The following FZR1 variants were observed in gnomAD, a reference collection of about 807,000 sequenced individuals.
FZR1 encodes the protein fizzy-related protein homolog.
FZR1 carries 11 observed loss-of-function variants against 63.6 expected under a neutral mutation model. That is an observed-to-expected ratio of 0.17 (90% CI 0.11 to 0.29). The LOEUF (loss-of-function observed/expected upper bound fraction) is 0.29. FZR1 is among the 10% of genes least tolerant of loss of function. The pLI, the probability that FZR1 is intolerant of heterozygous loss-of-function variation, is 1.00. For synonymous variants in FZR1, 328 were observed against 297.9 expected, an observed-to-expected ratio of 1.10 and a Z score of -1.04; for missense variants, 440 against 687.5, an observed-to-expected ratio of 0.64 and a Z score of 4.03.
intron 7 of FZR1, among the ~76,000 whole-genome samples, chr19:3,530,411 C>G (rs1387988407): frequency 2.2e-3 from 192 of 85,824 alleles, no homozygotes; most frequent in Middle Eastern, 8.6e-3. Context: ...TGGGAGAGCG[C>G]ATGGGAGAGC....
chr19:3,528,856 T>C (rs72976612), intron 7 of FZR1, among the ~76,000 whole-genome samples: 8,367 of 101,620 alleles, frequency 0.082, 82 homozygotes, highest in Middle Eastern at 0.15. Context: ...GATGGGTGAG[T>C]GGATGAGAGA....
rs1296621390 is a variant in FZR1 at position 3,525,616 on chromosome 19, G to GT, written c.70-251dup. 6.6e-6 allele frequency among the ~76,000 whole-genome samples: 1 copy of GT among 151,758 alleles called. No individual in the cohort carries two copies. Among genetic ancestry groups the GT allele is most frequent in the Non-Finnish European group, 1.5e-5 (1 of 67,892 alleles). On this transcript the variant is annotated intron_variant, in intron 2 of 13. Transcript: ENST00000441788. This position sits in a 1 kb window ranked among gnomAD's most constrained non-coding sequence, Gnocchi z 4.2. ...TGCCACCACGCCCGGCTGATTTTTT[G>GT]TATTTTTAGTAGAGACGAGGTTTCA...
chr19:3,528,032 G>A (rs1158673986), intron 7 of FZR1, among the ~76,000 whole-genome samples: 1 of 151,126 alleles, frequency 6.6e-6, no homozygotes, highest in Non-Finnish European at 1.5e-5. Context: ...CCCAGCCACG[G>A]CCCTCCCAAC....
At chr19:3,532,691 G>T (rs2083260582) in intron 11 of FZR1, 41 bp downstream of exon 11, 2 of 1,396,384 alleles carry the variant, frequency 1.4e-6, no homozygotes, top group Non-Finnish European at 1.0e-6. Context: ...GCCTCAGGAT[G>T]TGCGTCCTGC....
rs2083161680 is a variant in FZR1, at chr19:3,526,686, G to GC, written c.388-291dup. ...GAACACCCAAGCCGGTGGGGGTCCTGCCCGTAGGGGGCAGTACTGGGTCCT... is the reference window on the plus strand; with the variant it reads ...GAACACCCAAGCCGGTGGGGGTCCTGCCCCGTAGGGGGCAGTACTGGGTCCT... On this transcript the variant is annotated intron_variant, in intron 5 of 13. Coordinates refer to ENST00000441788, the MANE Select transcript of FZR1 (RefSeq NM_016263.4). The surrounding 1 kb of genome is among the most constrained non-coding windows in gnomAD (Gnocchi z 5.4). Among the ~76,000 whole-genome samples the GC allele has an allele frequency of 6.6e-6, 1 of 152,172 alleles. No individual in the cohort carries two copies. Among genetic ancestry groups the GC allele is most frequent in the Non-Finnish European group, 1.5e-5 (1 of 68,012 alleles).
At chr19:3,508,681 G>A (rs1282854431) in intron 1 of FZR1, among the ~76,000 whole-genome samples, 1 of 152,212 alleles carries the variant, frequency 6.6e-6, no homozygotes, top group African/African-American at 2.4e-5. Flanking sequence ...GGGACTCCAG[G>A]CAGAGGTGAA....
At chr19:3,511,957 C>T (rs1029915506) in intron 1 of FZR1, among the ~76,000 whole-genome samples, 7 of 152,168 alleles carry the variant, frequency 4.6e-5, no homozygotes, top group Non-Finnish European at 1.0e-4. Flanking sequence ...GTGGTCTCTC[C>T]GCTAGGCCCC....
intron 1 of FZR1, among the ~76,000 whole-genome samples, chr19:3,518,689 G>A (rs1248440246): frequency 6.6e-6 from 1 of 152,170 alleles, no homozygotes; most frequent in African/African-American, 2.4e-5. Context: ...CTAGTTGTTG[G>A]GGGCCACTTT....
chr19:3,511,358 C>T (rs143595719), intron 1 of FZR1, among the ~76,000 whole-genome samples: 67 of 152,308 alleles, frequency 4.4e-4, no homozygotes, highest in Middle Eastern at 6.8e-3. Flanking sequence ...AGCTGCTGGC[C>T]GAGTAGACCC....
At chr19:3,524,775 A>G (rs1048888989) in intron 2 of FZR1, among the ~76,000 whole-genome samples, 3 of 152,018 alleles carry the variant, frequency 2.0e-5, no homozygotes, top group Non-Finnish European at 4.4e-5. Context: ...GGCTGTGACC[A>G]CGTCCCTCTG....
intron 12 of FZR1, chr19:3,534,189 T>A: frequency 2.2e-6 from 1 of 453,390 alleles, no homozygotes; most frequent in South Asian, 2.8e-5. Context: ...CACTGCACAC[T>A]CCAGCCTGGG....
chr19:3,530,743 C>CT (rs2122010294), intron 7 of FZR1, 49 bp from the exon 8 acceptor site: 1 of 1,440,566 alleles, frequency 6.9e-7, no homozygotes, highest in South Asian at 1.2e-5. Context: ...CATGGATAGA[C>CT]TGGGGCTTCG....
chr19:3,534,768 G>T (rs78367733), intron 13 of FZR1, 27 bp from the exon 14 acceptor site: 2 of 1,608,068 alleles, frequency 1.2e-6, no homozygotes, highest in African/African-American at 2.7e-5. Context: ...GCGGCTCAGC[G>T]CATCTGCCAT....
chr19:3,518,523 T>C (rs950046663), intron 1 of FZR1, among the ~76,000 whole-genome samples: 1 of 151,948 alleles, frequency 6.6e-6, no homozygotes, highest in Admixed American at 6.6e-5. Flanking sequence ...GCAGGGGCAG[T>C]GCTGGCATGG....
At chr19:3,530,975 T>C in intron 8 of FZR1, 118 bp downstream of exon 8, 1 of 699,304 alleles carries the variant, frequency 1.4e-6, no homozygotes, top group South Asian at 1.7e-5. Flanking sequence ...TGTCCAAGCA[T>C]AGGTCTGTGT....
rs777821563 is a variant in FZR1 at position 3,515,178 on chromosome 19, C to T, written c.-34-7778C>T. 1.8e-4 allele frequency among the ~76,000 whole-genome samples: 27 copies of T among 152,328 alleles called. No homozygotes were observed. Among genetic ancestry groups the T allele is most frequent in the East Asian group, 7.7e-4 (4 of 5,182 alleles). On this transcript the variant is annotated intron_variant, in intron 1 of 13. Coordinates refer to ENST00000441788, the MANE Select transcript of FZR1 (RefSeq NM_016263.4). The surrounding 1 kb of genome is among the most constrained non-coding windows in gnomAD (Gnocchi z 4.6). ...AACCTCTGCAGGGCCTGGCGGAGCA[C>T]GAGTCACTCACTGATTCACTGCTGA...
At chr19:3,532,804 T>TG (rs993811215) in intron 11 of FZR1, among the ~76,000 whole-genome samples, 154 bp downstream of exon 11, 9 of 152,000 alleles carry the variant, frequency 5.9e-5, no homozygotes, top group Non-Finnish European at 1.3e-4. Flanking sequence ...CAGGGAGTTG[T>TG]GGGGGGCAAG....
At position 3,534,448 on chromosome 19, in the gene FZR1, G is replaced by A; in HGVS notation, c.1375G>A (p.Val459Ile). 1.9e-6 allele frequency: 3 copies of A among 1,608,710 alleles called. No homozygotes were observed. The highest frequency in any genetic ancestry group is 2.5e-6 in the Non-Finnish European group (3 of 1,177,110). ...AATGTCCCCTGATGGGGAGGCCATC[G>A]TCACTGGTGCTGGAGACGAGACCCT... ...LAMSPDGEAI[V>I]TGAGDETLRF... is the part of the protein sequence containing the mutation. The change falls in exon 13 of 14, where the codon GTC (valine) becomes ATC (isoleucine). Residue 459 changes from valine (V) to isoleucine (I), a missense_variant. Transcript: ENST00000441788.
At chr19:3,532,373 C>A in intron 10 of FZR1, 44 bp from the exon 11 acceptor site, 1 of 1,484,538 alleles carries the variant, frequency 6.7e-7, no homozygotes, top group Non-Finnish European at 9.2e-7. Context: ...CCTATGGGAC[C>A]ACAGGGCTGG....
Sources: allele counts gnomAD v4.1 joint callset (sites outside exome capture counted in the v4.1 genomes callset), GRCh38; gene constraint gnomAD v4.1.1; non-coding constraint Gnocchi (gnomAD v3.1); transcripts MANE v1.5; gene names NCBI Gene and HGNC (gene_info 2026-07-23, HGNC 2026-07-21).